The following NRXN1 variants were observed in gnomAD, a reference collection of about 807,000 sequenced individuals.
NRXN1 encodes the protein neurexin 1.
NRXN1 carries 39 observed loss-of-function variants against 150.9 expected under a neutral mutation model. That is an observed-to-expected ratio of 0.26 (90% confidence interval 0.20 to 0.34). The LOEUF (loss-of-function observed/expected upper bound fraction) is 0.34. NRXN1 is among the 10% of genes least tolerant of loss of function. NRXN1 has a pLI of 1.00. For synonymous variants in NRXN1, 924 were observed against 757.0 expected, an observed-to-expected ratio of 1.22 and a Z score of -3.62; for missense variants, 1,815 against 1,949.9, an observed-to-expected ratio of 0.93 and a Z score of 1.30.
intron 5 of NRXN1, among the ~76,000 whole-genome samples, chr2:50,679,901 G>A (rs1488251584): frequency 1.3e-5 from 2 of 152,108 alleles, no homozygotes; most frequent in African/African-American, 4.8e-5. Context: ...GGGAGGCCAA[G>A]ATGGGCAGAT....
At chr2:50,171,875 T>TCTGAAAACTAATTTTGGTTGC (rs2060052889) in intron 18 of NRXN1, among the ~76,000 whole-genome samples, 1 of 152,158 alleles carries the variant, frequency 6.6e-6, no homozygotes, top group African/African-American at 2.4e-5. Context: ...TCACTGACTA[T>TCTGAAAACTAATTTTGGTTGC]CTGAAAACTA....
At position 50,212,821 on chromosome 2, in the gene NRXN1, T is replaced by C. The variant is rs1048073848; in HGVS notation, c.3546+23968A>G. Among the ~76,000 whole-genome samples, 8 of 152,054 alleles carry C rather than the reference T, an allele frequency of 5.3e-5. No homozygotes were observed. In the South Asian group the frequency reaches 8.3e-4, roughly 16 times the overall value. On this transcript the variant is annotated intron_variant, in intron 18 of 22. Coordinates refer to ENST00000401669, the MANE Select transcript of NRXN1 (RefSeq NM_001330078.2). The stretch of plus-strand genomic sequence containing the variant: ...CATTATATGAAACTTCAAGGTTAAA[T>C]GCAAGACAAATGTGAACTGATATTT...
intron 11 of NRXN1, 140 bp from the exon 12 acceptor site, chr2:50,528,791 C>T (rs1210033777): frequency 5.4e-6 from 3 of 551,936 alleles, no homozygotes; most frequent in Non-Finnish European, 9.7e-6. Context: ...TCTTTACATA[C>T]TTATAAAGCC....
intron 2 of NRXN1, among the ~76,000 whole-genome samples, chr2:50,966,377 A>C (rs954184075): frequency 1.3e-5 from 2 of 151,592 alleles, no homozygotes; most frequent in African/African-American, 4.8e-5. Context: ...ATCTACAATT[A>C]ATAGCATTCC....
At chr2:49,952,245 CATG>C (rs1342561208) in intron 21 of NRXN1, among the ~76,000 whole-genome samples, 1 of 151,984 alleles carries the variant, frequency 6.6e-6, no homozygotes, top group African/African-American at 2.4e-5. Flanking sequence ...TACGAAGATA[CATG>C]ATAAGATAAA....
intron 5 of NRXN1, among the ~76,000 whole-genome samples, chr2:50,721,898 G>C (rs991663206): frequency 8.5e-5 from 13 of 152,050 alleles, no homozygotes; most frequent in Non-Finnish European, 1.9e-4. Context: ...TAGCAGAGCT[G>C]AAATTAAAAA....
intron 2 of NRXN1, among the ~76,000 whole-genome samples, chr2:50,926,645 A>T (rs1288776388): frequency 6.6e-6 from 1 of 151,942 alleles, no homozygotes; most frequent in East Asian, 1.9e-4. Context: ...GTCCACTGGG[A>T]ACTGTCCATA....
At chr2:50,051,319 G>A (rs1268795995) in intron 21 of NRXN1, among the ~76,000 whole-genome samples, 1 of 151,692 alleles carries the variant, frequency 6.6e-6, no homozygotes, top group African/African-American at 2.4e-5. Context: ...TTCTTCTTTT[G>A]GGACACACCT....
At chr2:50,815,857 C>T (rs906001427) in intron 5 of NRXN1, among the ~76,000 whole-genome samples, 14 of 152,084 alleles carry the variant, frequency 9.2e-5, no homozygotes, top group African/African-American at 3.1e-4. Context: ...TGCCCATCTT[C>T]CTACAAGTTA....
At chr2:50,794,069 C>G (rs978123130) in intron 5 of NRXN1, among the ~76,000 whole-genome samples, 1 of 152,028 alleles carries the variant, frequency 6.6e-6, no homozygotes, top group Non-Finnish European at 1.5e-5. Flanking sequence ...GGACATTCCA[C>G]CACAGCAAAG....
intron 12 of NRXN1, chr2:50,526,600 C>T (rs2092958393): frequency 6.6e-6 from 1 of 152,152 alleles, no homozygotes; most frequent in African/African-American, 2.4e-5. Flanking sequence ...AATGTAAATT[C>T]CTCCCTTTCC....
At chr2:50,071,111 C>T (rs1046119901) in intron 19 of NRXN1, among the ~76,000 whole-genome samples, 5 of 152,042 alleles carry the variant, frequency 3.3e-5, no homozygotes, top group African/African-American at 1.2e-4. Context: ...TTTTTATAGC[C>T]CAATAGATCT....
intron 18 of NRXN1, among the ~76,000 whole-genome samples, chr2:50,205,176 G>A (rs1403537598): frequency 1.3e-5 from 2 of 152,082 alleles, no homozygotes; most frequent in Non-Finnish European, 2.9e-5. Flanking sequence ...CAATTCATCT[G>A]CATGGAAATT....
At chr2:50,435,780 C>T (rs1382896159) in intron 17 of NRXN1, among the ~76,000 whole-genome samples, 2 of 152,026 alleles carry the variant, frequency 1.3e-5, no homozygotes, top group African/African-American at 2.4e-5. Flanking sequence ...AAGAAGGGAA[C>T]GACAGACACT....
chr2:50,450,336 C>A (rs2086845521), intron 17 of NRXN1, among the ~76,000 whole-genome samples: 1 of 151,606 alleles, frequency 6.6e-6, no homozygotes, highest in Non-Finnish European at 1.5e-5. Flanking sequence ...TGTTAGTTAT[C>A]TTATTAACAG....
chr2:50,664,260 A>T (rs1687699305), intron 5 of NRXN1, among the ~76,000 whole-genome samples: 1 of 151,956 alleles, frequency 6.6e-6, no homozygotes, highest in Non-Finnish European at 1.5e-5. Context: ...TAATTATAAG[A>T]CAAACTAAGG....
intron 21 of NRXN1, among the ~76,000 whole-genome samples, chr2:49,965,156 A>G (rs1676728451): frequency 6.6e-6 from 1 of 152,010 alleles, no homozygotes; most frequent in Non-Finnish European, 1.5e-5. Flanking sequence ...CTGGGATTAC[A>G]GGCATGAGCC....
intron 8 of NRXN1, among the ~76,000 whole-genome samples, chr2:50,604,397 C>A (rs1290580569): frequency 1.3e-5 from 2 of 152,136 alleles, no homozygotes; most frequent in African/African-American, 4.8e-5. Context: ...CAGGGTAAAA[C>A]CCAATTCCTT....
At chr2:50,220,018 T>TAA (rs2063763928) in intron 18 of NRXN1, among the ~76,000 whole-genome samples, 1 of 117,092 alleles carries the variant, frequency 8.5e-6, no homozygotes, top group African/African-American at 3.4e-5. Flanking sequence ...ATATATTATA[T>TAA]ATATATATAA....
Sources: allele counts gnomAD v4.1 joint callset (sites outside exome capture counted in the v4.1 genomes callset), GRCh38; gene constraint gnomAD v4.1.1; transcripts MANE v1.5; gene names NCBI Gene and HGNC (gene_info 2026-07-23, HGNC 2026-07-21).